AUTS2: variants seen among roughly 807,000 people sequenced by gnomAD.
AUTS2 encodes the protein activator of transcription and developmental regulator AUTS2, also known as autism susceptibility gene 2 protein.
In AUTS2, 17 loss-of-function variants were observed where a neutral mutation model predicts 112.4. The observed-to-expected ratio is 0.15, with a 90% confidence interval of 0.10 to 0.23. The LOEUF is 0.23. Ranked by LOEUF, AUTS2 falls within the 10% of genes least tolerant of loss-of-function variation. AUTS2 has a pLI of 1.00. For missense variants in AUTS2, 1,510 were observed against 1,701.6 expected (o/e 0.89, Z 1.98); for synonymous variants, 751 against 702.7 (o/e 1.07, Z -1.09).
intron 1 of AUTS2, among the ~76,000 whole-genome samples, chr7:69,706,559 G>A (rs1798068284): frequency 6.6e-6 from 1 of 152,192 alleles, no homozygotes; most frequent in Non-Finnish European, 1.5e-5. Flanking sequence ...CTTATGAAAT[G>A]TTTGTCAAAT....
At chr7:69,934,317 A>T (rs1228864145) in intron 2 of AUTS2, among the ~76,000 whole-genome samples, 1 of 152,218 alleles carries the variant, frequency 6.6e-6, no homozygotes, top group Non-Finnish European at 1.5e-5. Flanking sequence ...TCATAGTGGC[A>T]TGTTCCTGTC....
At chr7:70,602,438 G>A (rs1199902849) in intron 5 of AUTS2, among the ~76,000 whole-genome samples, 1 of 152,202 alleles carries the variant, frequency 6.6e-6, no homozygotes, top group South Asian at 2.1e-4. Context: ...ATGATGGGAT[G>A]TTTTGATTCT....
At position 69,849,643 on chromosome 7, in the gene AUTS2, A is replaced by C. The variant is rs920276273; in HGVS notation, c.310-49643A>C. ...ACATTTGTATTTATATAAAATATAA[A>C]ATATATCACATAAATATGAAAATAT... is the stretch of plus-strand genomic sequence containing the variant. On this transcript the variant is annotated intron_variant, in intron 1 of 18. Transcript: ENST00000342771. Among the ~76,000 whole-genome samples the C allele has an allele frequency of 4.0e-4, 61 of 151,792 alleles. 3 individuals are homozygous for C. Among genetic ancestry groups the C allele is most frequent in the African/African-American group, 4.8e-5 (2 of 41,362 alleles).
At chr7:70,699,974 G>A (rs1809357993) in intron 6 of AUTS2, among the ~76,000 whole-genome samples, 1 of 149,604 alleles carries the variant, frequency 6.7e-6, no homozygotes, top group African/African-American at 2.6e-5. Context: ...ACATGTGACT[G>A]TGTCTGTCTT....
intron 4 of AUTS2, among the ~76,000 whole-genome samples, chr7:70,260,630 A>G (rs966691031): frequency 6.6e-6 from 1 of 152,104 alleles, no homozygotes; most frequent in African/African-American, 2.4e-5. Flanking sequence ...ATTAAGTTTC[A>G]ACACGAGTTT....
intron 4 of AUTS2, among the ~76,000 whole-genome samples, chr7:70,331,074 G>C (rs1374369625): frequency 1.3e-5 from 2 of 152,048 alleles, no homozygotes; most frequent in Non-Finnish European, 2.9e-5. Context: ...AAATGAGTTA[G>C]GGAGGAGTCC....
At chr7:70,458,762 G>T (rs754596009) in intron 5 of AUTS2, among the ~76,000 whole-genome samples, 5 of 152,186 alleles carry the variant, frequency 3.3e-5, no homozygotes, top group Non-Finnish European at 2.9e-5. Context: ...CCATTTCCTT[G>T]TCTGGTGGGA....
chr7:69,978,362 A>G (rs937946520), intron 2 of AUTS2, among the ~76,000 whole-genome samples: 2 of 152,198 alleles, frequency 1.3e-5, no homozygotes, highest in African/African-American at 4.8e-5. Context: ...TAAGACTGGA[A>G]TTACTAATTC....
chr7:70,088,640 C>G, intron 2 of AUTS2, among the ~76,000 whole-genome samples: 1 of 150,120 alleles, frequency 6.7e-6, no homozygotes, highest in Admixed American at 6.7e-5. Context: ...AAGACAAAGT[C>G]TTGCTCTTGT....
At chr7:70,474,269 C>G (rs572823167) in intron 5 of AUTS2, among the ~76,000 whole-genome samples, 2 of 152,334 alleles carry the variant, frequency 1.3e-5, no homozygotes, top group South Asian at 2.1e-4. Flanking sequence ...GAAGTTTACT[C>G]GCTTTCATTG....
intron 4 of AUTS2, chr7:70,290,400 A>G: frequency 6.5e-7 from 1 of 1,528,102 alleles, no homozygotes; most frequent in East Asian, 2.5e-5. Context: ...GAGAGGAAGC[A>G]TGTCTTAAAT....
At chr7:70,435,647 A>T in intron 4 of AUTS2, 105 bp from the exon 5 acceptor site, 4 of 1,110,376 alleles carry the variant, frequency 3.6e-6, no homozygotes, top group Non-Finnish European at 5.4e-6. Context: ...TATTTCCTTT[A>T]CTTATCTTGC....
At chr7:69,894,266 T>G (rs974592072) in intron 1 of AUTS2, among the ~76,000 whole-genome samples, 10 of 118,794 alleles carry the variant, frequency 8.4e-5, no homozygotes, top group African/African-American at 2.3e-4. Flanking sequence ...TTTTTTTTTT[T>G]TTTTTTTTTT....
At chr7:70,566,135 A>G (rs1320125795) in intron 5 of AUTS2, among the ~76,000 whole-genome samples, 1 of 152,214 alleles carries the variant, frequency 6.6e-6, no homozygotes, top group Non-Finnish European at 1.5e-5. Context: ...AGAAACCTCC[A>G]AATAATAGCA....
chr7:70,301,293 G>A (rs1027817050), intron 4 of AUTS2, among the ~76,000 whole-genome samples: 8 of 152,204 alleles, frequency 5.3e-5, no homozygotes, highest in African/African-American at 1.9e-4. Context: ...ATTAAGGACT[G>A]TTGTTGGTGA....
intron 1 of AUTS2, among the ~76,000 whole-genome samples, chr7:69,749,230 C>T (rs554342400): frequency 5.9e-5 from 9 of 152,156 alleles, no homozygotes; most frequent in African/African-American, 1.4e-4. Flanking sequence ...TTGAGTCCAC[C>T]GCCCCCCACA....
chr7:69,956,906 A>T (rs557604448), intron 2 of AUTS2, among the ~76,000 whole-genome samples: 2 of 141,578 alleles, frequency 1.4e-5, no homozygotes, highest in Admixed American at 7.0e-5. Flanking sequence ...TCCATTGTCC[A>T]GGCTGTAATG....
At chr7:70,364,129 G>A (rs1792421489) in intron 4 of AUTS2, among the ~76,000 whole-genome samples, 1 of 152,108 alleles carries the variant, frequency 6.6e-6, no homozygotes, top group South Asian at 2.1e-4. Context: ...CAAATATCAT[G>A]TTGACAATTA....
rs367655056 is a variant in AUTS2, at chr7:70,146,695, T to C, written c.660+12124T>C. ...ATATATTATAGTGCTTTAAAACTCA[T>C]TTCAGGTCATCGTGGTGGCAATTAG... On this transcript the variant is annotated intron_variant, in intron 4 of 18. Transcript: ENST00000342771. Among the ~76,000 whole-genome samples, 9 of 152,140 alleles carry C rather than the reference T, an allele frequency of 5.9e-5. No individual in the cohort carries two copies. In the East Asian group the frequency reaches 1.7e-3, roughly 29 times the overall value.
Sources: allele counts gnomAD v4.1 joint callset (sites outside exome capture counted in the v4.1 genomes callset), GRCh38; gene constraint gnomAD v4.1.1; transcripts MANE v1.5; gene names NCBI Gene and HGNC (gene_info 2026-07-23, HGNC 2026-07-21).